Variants in PTPRZ1 observed in about 807,000 individuals in gnomAD.
The protein encoded by PTPRZ1 is protein tyrosine phosphatase receptor type Z1.
In PTPRZ1, 82 loss-of-function variants were observed where a neutral mutation model predicts 214.1. The ratio of observed to expected loss-of-function variants is 0.38; its 90% confidence interval spans 0.32 to 0.46. The LOEUF (loss-of-function observed/expected upper bound fraction) is 0.46. Ranked by LOEUF, PTPRZ1 falls within the 20% of genes least tolerant of loss-of-function variation. The pLI, the probability that PTPRZ1 is intolerant of heterozygous loss-of-function variation, is 1.00. For missense variants in PTPRZ1, 2,603 were observed against 2,748.7 expected (o/e 0.95, Z 1.19); for synonymous variants, 945 against 987.9 (o/e 0.96, Z 0.81).
At chr7:121,977,476 T>G (rs1445632031) in intron 6 of PTPRZ1, among the ~76,000 whole-genome samples, 1 of 152,198 alleles carries the variant, frequency 6.6e-6, no homozygotes, top group Non-Finnish European at 1.5e-5. Context: ...TTATTTTTAT[T>G]AAGCACTCAC....
intron 15 of PTPRZ1, among the ~76,000 whole-genome samples, chr7:122,033,530 A>T (rs2150471320): frequency 6.6e-6 from 1 of 152,180 alleles, no homozygotes; most frequent in Admixed American, 6.5e-5. Context: ...TCTGCTAATT[A>T]AATATTTAGA....
At chr7:122,025,330 C>CTTTTTTTTTTTT (rs766588678) in intron 13 of PTPRZ1, among the ~76,000 whole-genome samples, 2 of 132,876 alleles carry the variant, frequency 1.5e-5, no homozygotes, top group African/African-American at 2.7e-5. Flanking sequence ...CTTTTTTTTT[C>CTTTTTTTTTTTT]TTTTTTTTTT....
chr7:121,956,565 A>G (rs1009547356), intron 2 of PTPRZ1, among the ~76,000 whole-genome samples: 2 of 152,258 alleles, frequency 1.3e-5, no homozygotes, highest in Admixed American at 1.3e-4. Context: ...GAAGATTCAC[A>G]ATCTAGAAAC....
At chr7:122,041,944 T>C (rs1799745048) in intron 21 of PTPRZ1, among the ~76,000 whole-genome samples, 1 of 152,210 alleles carries the variant, frequency 6.6e-6, no homozygotes, top group Non-Finnish European at 1.5e-5. Context: ...ACCAGGCTAT[T>C]GTGCAGAGCA....
At chr7:121,946,584 AATTAAT>A (rs1341464035) in intron 2 of PTPRZ1, among the ~76,000 whole-genome samples, 1 of 152,192 alleles carries the variant, frequency 6.6e-6, no homozygotes, top group African/African-American at 2.4e-5. Flanking sequence ...CTTGAGTTCA[AATTAAT>A]ATAAATTGAG....
In PTPRZ1 at chr7:122,061,254, A is replaced by T; in HGVS notation, c.*34A>T. The T allele has an allele frequency of 6.7e-7, 1 of 1,502,560 alleles. No homozygotes were observed. The highest frequency in any genetic ancestry group is 9.0e-7 in the Non-Finnish European group (1 of 1,112,604). The allele number at this position is 1,502,560 out of a possible 1,614,324, so 93.1% of individuals were successfully genotyped here. On this transcript the variant is annotated 3_prime_UTR_variant, in exon 30 of 30. Coordinates refer to ENST00000393386, the MANE Select transcript of PTPRZ1 (RefSeq NM_002851.3). Reference sequence around the variant, plus strand: ...GGGGTGGGGGAACTCACATCTGAGCATTGTTTTCCTCTTCCTAAAATTAGG... The same window carrying T: ...GGGGTGGGGGAACTCACATCTGAGCTTTGTTTTCCTCTTCCTAAAATTAGG...
chr7:122,039,004 C>CT, intron 19 of PTPRZ1, 115 bp downstream of exon 19: 1 of 1,130,282 alleles, frequency 8.8e-7, no homozygotes, highest in Non-Finnish European at 1.3e-6. Flanking sequence ...ATTTGGGATT[C>CT]TTTTTTAGTA....
At chr7:121,988,004 C>T (rs753804568) in intron 8 of PTPRZ1, among the ~76,000 whole-genome samples, 14 of 152,138 alleles carry the variant, frequency 9.2e-5, no homozygotes, top group Non-Finnish European at 1.5e-4. Context: ...GAACAGTAGA[C>T]ACTGTGGTGT....
At chr7:122,023,234 A>C (rs1396340961) in intron 13 of PTPRZ1, among the ~76,000 whole-genome samples, 1 of 151,746 alleles carries the variant, frequency 6.6e-6, no homozygotes, top group African/African-American at 2.4e-5. Flanking sequence ...TTTTTGTATA[A>C]ACTTTCAGAG....
At chr7:121,882,821 T>C (rs1469113086) in intron 1 of PTPRZ1, among the ~76,000 whole-genome samples, 1 of 152,144 alleles carries the variant, frequency 6.6e-6, no homozygotes, top group African/African-American at 2.4e-5. Flanking sequence ...ATCATCCTCT[T>C]TATAGAATTC....
Position 122,011,080 on chromosome 7 carries a change from C to T in PTPRZ1, c.2034C>T (p.Tyr678=). Residue 678 remains tyrosine, a synonymous_variant, in exon 12 of 30, where the codon TAC becomes TAT. Coordinates refer to ENST00000393386, the MANE Select transcript of PTPRZ1 (RefSeq NM_002851.3). Reference sequence around the variant, plus strand: ...GAGAGAGCTTTCTCCAGACTAATTACACTGAGATACGTGTTGATGAATCTG... The same window carrying T: ...GAGAGAGCTTTCTCCAGACTAATTATACTGAGATACGTGTTGATGAATCTG... ...SGRESFLQTN[Y]TEIRVDESEK... is the part of the protein sequence containing the mutation. 1 of 1,614,144 alleles carries T rather than the reference C, an allele frequency of 6.2e-7. No homozygotes were observed. Among genetic ancestry groups the T allele is most frequent in the African/African-American group, 1.3e-5 (1 of 75,044 alleles).
At chr7:121,905,021 G>T (rs1470737266) in intron 1 of PTPRZ1, among the ~76,000 whole-genome samples, 1 of 152,130 alleles carries the variant, frequency 6.6e-6, no homozygotes, top group Non-Finnish European at 1.5e-5. Context: ...TATTGTAAAT[G>T]AACTATAATT....
chr7:121,920,489 G>T (rs1382614527), intron 1 of PTPRZ1, among the ~76,000 whole-genome samples: 1 of 151,626 alleles, frequency 6.6e-6, no homozygotes, highest in Non-Finnish European at 1.5e-5. Flanking sequence ...ATTGTTATTT[G>T]TATATACGTT....
intron 1 of PTPRZ1, among the ~76,000 whole-genome samples, chr7:121,891,471 T>G (rs898749937): frequency 2.1e-5 from 3 of 144,462 alleles, no homozygotes; most frequent in Admixed American, 6.9e-5. Context: ...TTTTTTTTTT[T>G]TTTTTTTTTT....
intron 1 of PTPRZ1, among the ~76,000 whole-genome samples, chr7:121,912,047 T>A (rs781702549): frequency 4.6e-5 from 7 of 152,168 alleles, no homozygotes; most frequent in Non-Finnish European, 8.8e-5. Flanking sequence ...TTCCAGTGTA[T>A]GAAACTAAGA....
rs764938406 is a variant in PTPRZ1 at position 122,010,437 on chromosome 7, C to T, written c.1391C>T (p.Thr464Ile). ...AAAAAGGAACCCCAGATTTCTACCACAACACACTACAATCGCATAGGGACG... is the reference window on the plus strand; with the variant it reads ...AAAAAGGAACCCCAGATTTCTACCATAACACACTACAATCGCATAGGGACG... ...IRKKEPQIST[T>I]THYNRIGTKY... The change falls in exon 12 of 30, where the codon ACA becomes ATA. Residue 464 changes from threonine to isoleucine, a missense_variant. Around this residue, in one of 6 missense-constraint regions of PTPRZ1, gnomAD observed 1,913 missense variants for 1,914.3 expected, o/e 1.00. Transcript: ENST00000393386. The T allele has an allele frequency of 1.9e-6, 3 of 1,614,028 alleles. No homozygotes were observed.
intron 12 of PTPRZ1, among the ~76,000 whole-genome samples, chr7:122,014,689 C>T (rs998474405): frequency 6.6e-5 from 10 of 152,166 alleles, no homozygotes; most frequent in South Asian, 6.2e-4. Flanking sequence ...CCACCCGCCT[C>T]GGCCTCCCAA....
rs559845644 is a variant in PTPRZ1, at chr7:121,979,207, T to C, written c.619+2356T>C. Among the ~76,000 whole-genome samples, 9 of 152,290 alleles carry C rather than the reference T, an allele frequency of 5.9e-5. No individual in the cohort carries two copies. In the South Asian group the frequency reaches 8.3e-4, roughly 14 times the overall value. On this transcript the variant is annotated intron_variant, in intron 6 of 29. Transcript: ENST00000393386. ...CATTCCTCCCCTCAACCCCTCTTTC[T>C]TTCTTTCCCTCCCATCCACCATACC...
At chr7:121,885,018 A>T (rs1794357933) in intron 1 of PTPRZ1, among the ~76,000 whole-genome samples, 1 of 152,166 alleles carries the variant, frequency 6.6e-6, no homozygotes, top group Non-Finnish European at 1.5e-5. Context: ...ATAAGCCTGT[A>T]TTACTCACTT....
Sources: allele counts gnomAD v4.1 joint callset (sites outside exome capture counted in the v4.1 genomes callset), GRCh38; gene constraint gnomAD v4.1.1; regional missense constraint gnomAD v4.1.1; transcripts MANE v1.5; gene names NCBI Gene and HGNC (gene_info 2026-07-23, HGNC 2026-07-21).